Variants in FBXO17 observed in about 807,000 individuals in gnomAD.
FBXO17 encodes the protein F-box only protein 17.
FBXO17 carries 43 observed loss-of-function variants against 34.1 expected under a neutral mutation model. That is an observed-to-expected ratio of 1.26 (90% CI 0.99 to 1.62). FBXO17 has a LOEUF of 1.62. Among genes scored for constraint, FBXO17 ranks in the 40% most tolerant of loss-of-function variants. The pLI, the probability that FBXO17 is intolerant of heterozygous loss-of-function variation, is 0.00. For missense variants in FBXO17, 424 were observed against 386.7 expected (o/e 1.10, Z -0.81); for synonymous variants, 169 against 166.0 (o/e 1.02, Z -0.14).
chr19:38,952,447 T>C, intron 1 of FBXO17: 1 of 479,560 alleles, frequency 2.1e-6, no homozygotes, highest in Non-Finnish European at 4.3e-6. Context: ...ACCTTCTTGC[T>C]CTAACTGGAA....
intron 3 of FBXO17, 30 bp from the exon 4 acceptor site, chr19:38,946,597 C>G: frequency 6.2e-7 from 1 of 1,603,704 alleles, no homozygotes; most frequent in African/African-American, 1.4e-5. Context: ...GGGGGCAGGG[C>G]AAACAGTCCT....
At chr19:38,951,101 A>C (rs558705340) in intron 1 of FBXO17, among the ~76,000 whole-genome samples, 1 of 152,142 alleles carries the variant, frequency 6.6e-6, no homozygotes, top group African/African-American at 2.4e-5. Context: ...GTTTTTTCAA[A>C]GATTTATAGG....
chr19:38,968,052 G>A (rs530734788), intron 1 of FBXO17, among the ~76,000 whole-genome samples: 3 of 152,224 alleles, frequency 2.0e-5, no homozygotes, highest in African/African-American at 7.2e-5. Flanking sequence ...TTTAAAAGTT[G>A]AGGCCAGGCT....
intron 1 of FBXO17, among the ~76,000 whole-genome samples, chr19:38,953,064 G>A (rs1171291450): frequency 5.9e-5 from 9 of 152,164 alleles, no homozygotes; most frequent in Admixed American, 5.9e-4. Flanking sequence ...CACTTTGGGA[G>A]GGCAAGGTGG....
intron 1 of FBXO17, among the ~76,000 whole-genome samples, chr19:38,954,624 G>C (rs1478479778): frequency 7.3e-6 from 1 of 136,682 alleles, no homozygotes; most frequent in Non-Finnish European, 1.5e-5. Context: ...TTGTTGCCCA[G>C]GCTGGAGTGC....
chr19:38,971,854 T>C (rs1975395118), intron 1 of FBXO17, among the ~76,000 whole-genome samples: 1 of 151,850 alleles, frequency 6.6e-6, no homozygotes. Context: ...GTGTTAGTCA[T>C]AGGTGAACAG....
In FBXO17 at chr19:38,953,406, T is replaced by C. The variant is rs142924143; in HGVS notation, c.-17-3070A>G. ...GGCTGGGCACGGTAGCTCACACCTG[T>C]AATCCCAGCACTTTGGGAGGCTGAG... On this transcript the variant is annotated intron_variant, in intron 1 of 5. Transcript: ENST00000292852. Among the ~76,000 whole-genome samples the C allele has an allele frequency of 8.2e-3, 1,241 of 152,220 alleles. 14 individuals carry two copies. The highest frequency in any genetic ancestry group is 0.028 in the African/African-American group (1,176 of 41,528).
At chr19:38,953,229 C>A (rs1975112434) in intron 1 of FBXO17, among the ~76,000 whole-genome samples, 1 of 152,026 alleles carries the variant, frequency 6.6e-6, no homozygotes, top group Non-Finnish European at 1.5e-5. Flanking sequence ...ATCGCTGGAG[C>A]CCGGGAGTTG....
At chr19:38,948,720 C>A in intron 2 of FBXO17, 42 bp from the exon 3 acceptor site, 1 of 1,583,756 alleles carries the variant, frequency 6.3e-7, no homozygotes. Context: ...CACCTGCCAG[C>A]CTGCCCAGAA....
chr19:38,962,654 A>G (rs886952994), intron 1 of FBXO17, among the ~76,000 whole-genome samples: 2 of 151,990 alleles, frequency 1.3e-5, no homozygotes, highest in Non-Finnish European at 2.9e-5. Context: ...TTCTCGGGCT[A>G]TCTTAGACTT....
chr19:38,950,972 A>G (rs1327046119), intron 1 of FBXO17, among the ~76,000 whole-genome samples: 2 of 150,978 alleles, frequency 1.3e-5, no homozygotes, highest in Non-Finnish European at 3.0e-5. Flanking sequence ...TTGTATTTTT[A>G]GTAGAGACGG....
chr19:38,957,530 G>C (rs1288921105), intron 1 of FBXO17, among the ~76,000 whole-genome samples: 12 of 152,146 alleles, frequency 7.9e-5, no homozygotes, highest in Non-Finnish European at 1.6e-4. Flanking sequence ...ATTTTTAGTA[G>C]AGACAGGGTT....
intron 5 of FBXO17, among the ~76,000 whole-genome samples, chr19:38,943,041 AAGG>A (rs918676201): frequency 1.3e-5 from 2 of 152,066 alleles, no homozygotes; most frequent in Non-Finnish European, 2.9e-5. Context: ...GTGACACCTG[AAGG>A]AGGAGAGGGA....
At chr19:38,964,790 A>G (rs1339663724) in intron 1 of FBXO17, among the ~76,000 whole-genome samples, 6 of 151,962 alleles carry the variant, frequency 3.9e-5, no homozygotes, top group Admixed American at 1.3e-4. Flanking sequence ...AAAGAAAAAA[A>G]AATTGCATGC....
chr19:38,966,889 T>C (rs967676241), intron 1 of FBXO17, among the ~76,000 whole-genome samples: 7 of 152,188 alleles, frequency 4.6e-5, no homozygotes, highest in Non-Finnish European at 8.8e-5. Flanking sequence ...TATTACCTCA[T>C]ACCAGAATCA....
chr19:38,957,205 G>C (rs1975178606), intron 1 of FBXO17, among the ~76,000 whole-genome samples: 1 of 151,996 alleles, frequency 6.6e-6, no homozygotes, highest in Non-Finnish European at 1.5e-5. Context: ...CTGGGTGACA[G>C]AGCGACTCTG....
chr19:38,956,560 C>T (rs1390570829), intron 1 of FBXO17, among the ~76,000 whole-genome samples: 1 of 152,094 alleles, frequency 6.6e-6, no homozygotes, highest in Non-Finnish European at 1.5e-5. Context: ...CCAATAAATG[C>T]CACTAAATGA....
chr19:38,951,060 G>A (rs1975076499), intron 1 of FBXO17, among the ~76,000 whole-genome samples: 1 of 151,968 alleles, frequency 6.6e-6, no homozygotes, highest in African/African-American at 2.4e-5. Context: ...AAAGTGCTGG[G>A]ATTACAGGTG....
chr19:38,955,484 CTTTT>C (rs1223708955), intron 1 of FBXO17, among the ~76,000 whole-genome samples: 127 of 133,714 alleles, frequency 9.5e-4, no homozygotes, highest in African/African-American at 3.2e-3. Context: ...TTCTTTCTTT[CTTTT>C]TTTTTTTTTT....
Sources: allele counts gnomAD v4.1 joint callset (sites outside exome capture counted in the v4.1 genomes callset), GRCh38; gene constraint gnomAD v4.1.1; transcripts MANE v1.5; gene names NCBI Gene and HGNC (gene_info 2026-07-23, HGNC 2026-07-21).